SUPV3L1: variants seen among roughly 807,000 people sequenced by gnomAD.
The protein encoded by SUPV3L1 is Suv3 like RNA helicase.
Under a neutral mutation model 70.0 loss-of-function variants are expected in SUPV3L1, and 35 were observed. That is an observed-to-expected ratio of 0.50 (90% confidence interval 0.38 to 0.66). The LOEUF is 0.66. SUPV3L1 is among the 30% of genes least tolerant of loss of function. The pLI, the probability that SUPV3L1 is intolerant of heterozygous loss-of-function variation, is 0.00. For synonymous variants in SUPV3L1, 364 were observed against 341.9 expected (o/e 1.06, Z -0.71); for missense variants, 777 against 961.5 (o/e 0.81, Z 2.54).
chr10:69,205,888 T>G (rs1842813812), intron 13 of SUPV3L1, among the ~76,000 whole-genome samples: 2 of 152,178 alleles, frequency 1.3e-5, no homozygotes, highest in Admixed American at 1.3e-4. Context: ...AGGCTTTTCC[T>G]TTTTTCCTGA....
chr10:69,200,620 T>C (rs773104906), intron 11 of SUPV3L1, 121 bp downstream of exon 11: 4 of 846,482 alleles, frequency 4.7e-6, no homozygotes, highest in East Asian at 2.7e-5. Context: ...AAAGAAAATT[T>C]TGTGCCATGA....
At chr10:69,206,766 T>G (rs1842841285) in intron 13 of SUPV3L1, among the ~76,000 whole-genome samples, 1 of 152,140 alleles carries the variant, frequency 6.6e-6, no homozygotes, top group African/African-American at 2.4e-5. Flanking sequence ...CCCAGCACTT[T>G]GGGAGGCCGA....
At chr10:69,208,050 T>A in intron 14 of SUPV3L1, 109 bp downstream of exon 14, 1 of 1,333,670 alleles carries the variant, frequency 7.5e-7, no homozygotes, top group Non-Finnish European at 1.0e-6. Context: ...CAAGATGCTC[T>A]ATATTATGTC....
chr10:69,180,589 C>T, intron 1 of SUPV3L1, 27 bp downstream of exon 1: 1 of 1,609,860 alleles, frequency 6.2e-7, no homozygotes, highest in Non-Finnish European at 8.5e-7. Flanking sequence ...CTGAGGGCGG[C>T]AGAGGGTGGT....
At chr10:69,195,823 G>A (rs1186554187) in intron 7 of SUPV3L1, among the ~76,000 whole-genome samples, 1 of 152,042 alleles carries the variant, frequency 6.6e-6, no homozygotes, top group African/African-American at 2.4e-5. Context: ...GCTCACTGCA[G>A]CCTTGACCTC....
At chr10:69,207,255 C>T (rs1189248271) in intron 13 of SUPV3L1, among the ~76,000 whole-genome samples, 1 of 152,032 alleles carries the variant, frequency 6.6e-6, no homozygotes, top group Non-Finnish European at 1.5e-5. Flanking sequence ...GGTAGTGTGC[C>T]CAGAGTAGCC....
intron 2 of SUPV3L1, 42 bp from the exon 3 acceptor site, chr10:69,186,401 T>C: frequency 6.9e-7 from 1 of 1,455,102 alleles, no homozygotes; most frequent in East Asian, 2.3e-5. Flanking sequence ...CTTTTTAAAA[T>C]GAGAACTACA....
At chr10:69,203,432 G>C (rs976738526) in intron 13 of SUPV3L1, among the ~76,000 whole-genome samples, 1 of 152,094 alleles carries the variant, frequency 6.6e-6, no homozygotes, top group Non-Finnish European at 1.5e-5. Flanking sequence ...GGGAGGCCGA[G>C]GCGGGTGGAT....
At chr10:69,186,830 T>C (rs1482263406) in intron 3 of SUPV3L1, among the ~76,000 whole-genome samples, 1 of 152,156 alleles carries the variant, frequency 6.6e-6, no homozygotes, top group Non-Finnish European at 1.5e-5. Context: ...CATAGCAGAT[T>C]CCATCTGTTT....
rs753030973 is a variant in SUPV3L1, at chr10:69,180,243, C to T, written c.-49C>T. Reference sequence around the variant, plus strand: ...GGCGCTGGAGGTGCGCGTCACTGTCCGCCGCCGTGTCCGCGGCTGCGCCAG... The same window carrying T: ...GGCGCTGGAGGTGCGCGTCACTGTCTGCCGCCGTGTCCGCGGCTGCGCCAG... On this transcript the variant is annotated 5_prime_UTR_variant, in exon 1 of 15. Transcript: ENST00000359655. The T allele has an allele frequency of 1.9e-6, 3 of 1,578,712 alleles. No homozygotes were observed. The highest frequency in any genetic ancestry group is 1.1e-5 in the South Asian group (1 of 87,810).
intron 13 of SUPV3L1, among the ~76,000 whole-genome samples, chr10:69,206,010 C>CCGGA (rs1564714581): frequency 6.6e-6 from 1 of 150,856 alleles, no homozygotes; most frequent in Non-Finnish European, 1.5e-5. Flanking sequence ...GGGCCAGCTG[C>CCGGA]TGGATGGATG....
At chr10:69,191,871 A>G in intron 6 of SUPV3L1, 105 bp downstream of exon 6, 2 of 764,506 alleles carry the variant, frequency 2.6e-6, no homozygotes, top group Non-Finnish European at 2.1e-6. Context: ...CAATGGTACT[A>G]TCTCGGCTCA....
chr10:69,208,402 T>C (rs756842344), intron 14 of SUPV3L1, among the ~76,000 whole-genome samples, 198 bp from the exon 15 acceptor site: 2 of 152,232 alleles, frequency 1.3e-5, no homozygotes, highest in Non-Finnish European at 2.9e-5. Context: ...TATTGAGGTA[T>C]AGTGCTGACC....
chr10:69,188,024 C>A (rs958278065), intron 4 of SUPV3L1, among the ~76,000 whole-genome samples: 1 of 152,096 alleles, frequency 6.6e-6, no homozygotes, highest in Non-Finnish European at 1.5e-5. Flanking sequence ...TAAGCTATGG[C>A]CTTCCTGGTG....
chr10:69,193,446 G>A (rs1589382735), intron 6 of SUPV3L1, among the ~76,000 whole-genome samples: 1 of 147,720 alleles, frequency 6.8e-6, no homozygotes, highest in Non-Finnish European at 1.5e-5. Context: ...TCCAGATCAC[G>A]AAGTAGTTTT....
In SUPV3L1 at chr10:69,197,141, G is replaced by A. The variant is rs867544359; in HGVS notation, c.1023+58G>A. ...CATATCAAATAGTCCAGAGTACCTA[G>A]GCAGTGGCTTCAGAGGCCCTAGATA... is the stretch of plus-strand genomic sequence containing the variant. On this transcript the variant is annotated intron_variant, in intron 8 of 14. Transcript: ENST00000359655. The A allele has an allele frequency of 4.8e-6, 7 of 1,469,518 alleles. No homozygotes were observed. In the African/African-American group the frequency reaches 9.7e-5, roughly 20 times the overall value. The allele number at this position is 1,469,518 out of a possible 1,614,324, so 91.0% of individuals were successfully genotyped here. A position where few individuals can be genotyped will look rare whatever the true frequency, so the allele number is the denominator to read the frequency against.
chr10:69,184,406 A>G (rs1480491651), intron 1 of SUPV3L1, among the ~76,000 whole-genome samples: 2 of 152,124 alleles, frequency 1.3e-5, no homozygotes, highest in East Asian at 1.9e-4. Context: ...ATGGTGATGC[A>G]TGCCTGTAAT....
At position 69,198,434 on chromosome 10, in the gene SUPV3L1, T is replaced by C. The variant is rs775273730; in HGVS notation, c.1086T>C (p.Asp362=). Residue 362 remains aspartate, a synonymous_variant, in exon 9 of 15, where the codon GAT becomes GAC. Coordinates refer to ENST00000359655, the MANE Select transcript of SUPV3L1 (RefSeq NM_003171.5). The stretch of plus-strand genomic sequence containing the variant: ...TGGACCATGCACTAGAATCTTTAGA[T>C]AACCTTCGGCCTGGGGACTGCATTG... ...SVLDHALESL[D]NLRPGDCIVC... is the part of the protein sequence containing the mutation. 1.2e-6 allele frequency: 2 copies of C among 1,613,922 alleles called. No individual in the cohort carries two copies. The highest frequency in any genetic ancestry group is 4.5e-5 in the East Asian group (2 of 44,878).
At chr10:69,191,887 A>T in intron 6 of SUPV3L1, 121 bp downstream of exon 6, 1 of 617,474 alleles carries the variant, frequency 1.6e-6, no homozygotes, top group Non-Finnish European at 2.7e-6. Context: ...GCTCACTGCG[A>T]CCTCTGCCTC....
Sources: gnomAD v4.1 joint callset for allele counts (sites outside exome capture counted in the v4.1 genomes callset) on GRCh38, gnomAD v4.1.1 for gene constraint, MANE v1.5 for transcripts, NCBI Gene and HGNC (gene_info 2026-07-23, HGNC 2026-07-21) for gene names.